CD276: variants seen among roughly 807,000 people sequenced by gnomAD.
CD276 encodes the protein CD276 antigen.
CD276 carries 34 observed loss-of-function variants against 50.0 expected under a neutral mutation model. That is an observed-to-expected ratio of 0.68 (90% CI 0.52 to 0.91). The LOEUF (loss-of-function observed/expected upper bound fraction) is 0.91, where lower values mean the gene tolerates loss of function less well. CD276 is among the 40% of genes least tolerant of loss of function. CD276 has a pLI of 0.00. For missense variants in CD276, 634 were observed against 717.5 expected, an observed-to-expected ratio of 0.88 and a Z score of 1.33; for synonymous variants, 275 against 313.0, an observed-to-expected ratio of 0.88 and a Z score of 1.28.
chr15:73,700,460 GTC>G (rs997578852), intron 2 of CD276, among the ~76,000 whole-genome samples: 2 of 152,362 alleles, frequency 1.3e-5, no homozygotes, highest in Non-Finnish European at 2.9e-5. Context: ...AGAAGTGCCT[GTC>G]TCTACCCACG....
chr15:73,712,698 G>A (rs1900954140), intron 9 of CD276, among the ~76,000 whole-genome samples: 1 of 152,148 alleles, frequency 6.6e-6, no homozygotes, highest in African/African-American at 2.4e-5. Context: ...GTACTGAGAG[G>A]GGGCTGCGTG....
chr15:73,695,995 A>G (rs1349457978), intron 1 of CD276, among the ~76,000 whole-genome samples: 1 of 152,190 alleles, frequency 6.6e-6, no homozygotes, highest in Non-Finnish European at 1.5e-5. Context: ...GATTTGTTGT[A>G]GCTTTCTGAG....
intron 1 of CD276, among the ~76,000 whole-genome samples, chr15:73,689,188 C>CTGTG (rs58196751): frequency 0.082 from 11,651 of 142,590 alleles, 531 homozygotes; most frequent in African/African-American, 0.11. Context: ...TCTGTGCCTC[C>CTGTG]TGTGTGTGTG....
intron 1 of CD276, among the ~76,000 whole-genome samples, chr15:73,698,083 G>A (rs1290298576): frequency 2.0e-5 from 3 of 152,142 alleles, no homozygotes; most frequent in Non-Finnish European, 4.4e-5. Flanking sequence ...GGGATTGGGA[G>A]CAGGGCTGGA....
chr15:73,703,714 T>C lies in CD276; in HGVS notation c.789T>C (p.Asp263=), dbSNP rs768341475. 5 of 1,613,264 alleles carry C rather than the reference T, an allele frequency of 3.1e-6. No individual in the cohort carries two copies. The highest frequency in any genetic ancestry group is 1.7e-5 in the Admixed American group (1 of 60,008). Residue 263 remains aspartate (D), a synonymous_variant, in exon 5 of 10, where the codon GAT becomes GAC. Coordinates refer to ENST00000318443, the MANE Select transcript of CD276 (RefSeq NM_001024736.2). The part of the protein sequence containing the change: ...EDPVVALVGT[D]ATLRCSFSPE... ...CGGTGGTGGCCCTAGTGGGCACCGA[T>C]GCCACCCTGCGCTGCTCCTTCTCCC...
At chr15:73,696,859 A>T (rs1900198486) in intron 1 of CD276, among the ~76,000 whole-genome samples, 1 of 152,118 alleles carries the variant, frequency 6.6e-6, no homozygotes, top group Admixed American at 6.5e-5. Context: ...AAGGCACCTT[A>T]GAGAATGGGG....
At chr15:73,711,238 TG>T (rs1290356300) in intron 9 of CD276, 68 bp downstream of exon 9, 1 of 1,546,984 alleles carries the variant, frequency 6.5e-7, no homozygotes, top group African/African-American at 1.4e-5. Context: ...GCTGAGAGGG[TG>T]GGTAGGCATC....
chr15:73,711,160 C>A lies in CD276; in HGVS notation c.1572C>A (p.Asp524Glu), dbSNP rs1158740558. ...CCCTGCAGCCTCTGAAACACTCTGA[C>A]AGCAAAGAAGGTAAAGACACCTGGG... is the stretch of plus-strand genomic sequence containing the variant. ...KTALQPLKHS[D>E]SKEDDGQEIA Residue 524 changes from aspartate to glutamate, a missense_variant, in exon 9 of 10, where the codon GAC becomes GAA. Transcript: ENST00000318443. 1.2e-6 allele frequency: 2 copies of A among 1,613,990 alleles called. No individual in the cohort carries two copies. The highest frequency in any genetic ancestry group is 3.3e-5 in the Admixed American group (2 of 60,028).
intron 9 of CD276, chr15:73,712,263 C>G (rs1900934221): frequency 6.6e-6 from 1 of 152,498 alleles, no homozygotes; most frequent in African/African-American, 2.4e-5. Context: ...GTGAGGCAGC[C>G]TGCCCCCTCA....
chr15:73,712,806 T>C, intron 9 of CD276, 128 bp from the exon 10 acceptor site: 1 of 935,278 alleles, frequency 1.1e-6, no homozygotes, highest in Non-Finnish European at 1.7e-6. Context: ...GTTGGGCTGC[T>C]GTCTCACACA....
At chr15:73,699,161 G>A (rs1428588545) in intron 1 of CD276, among the ~76,000 whole-genome samples, 1 of 152,112 alleles carries the variant, frequency 6.6e-6, no homozygotes, top group Non-Finnish European at 1.5e-5. Context: ...GCTCTCAACT[G>A]CCTTTAGGAT....
At chr15:73,701,163 G>T (rs994615472) in intron 2 of CD276, among the ~76,000 whole-genome samples, 82 of 151,710 alleles carry the variant, frequency 5.4e-4, no homozygotes, top group South Asian at 2.1e-4. Flanking sequence ...CCCATGCCGG[G>T]CCTTTTCCCC....
intron 1 of CD276, among the ~76,000 whole-genome samples, chr15:73,688,971 G>A (rs149839592): frequency 2.4e-4 from 37 of 152,302 alleles, no homozygotes; most frequent in African/African-American, 8.2e-4. Context: ...GATATGTTTA[G>A]GTGGGCACCT....
chr15:73,701,849 A>C (rs1285236422), intron 2 of CD276, among the ~76,000 whole-genome samples: 2 of 152,222 alleles, frequency 1.3e-5, no homozygotes, highest in Non-Finnish European at 2.9e-5. Flanking sequence ...ACTTACGCTC[A>C]TGGGGAAATG....
rs1899821777 is a variant in CD276 at position 73,687,591 on chromosome 15, TTG to T, written c.-55+3132_-55+3133del. On this transcript the variant is annotated intron_variant, in intron 1 of 9. Coordinates refer to ENST00000318443, the MANE Select transcript of CD276 (RefSeq NM_001024736.2). This position sits in a 1 kb window ranked among gnomAD's most constrained non-coding sequence, Gnocchi z 4.0. ...GGCCTTCACAGCATAGTCAGGGCCT[TTG>T]CTGAGAGTTCTTCTCTTCCAGAGCC... 6.6e-6 allele frequency among the ~76,000 whole-genome samples: 1 copy of T among 152,176 alleles called. No individual in the cohort carries two copies. Among genetic ancestry groups the T allele is most frequent in the African/African-American group, 2.4e-5 (1 of 41,442 alleles).
chr15:73,696,105 C>A (rs1468993272), intron 1 of CD276, among the ~76,000 whole-genome samples: 3 of 152,238 alleles, frequency 2.0e-5, no homozygotes, highest in African/African-American at 7.2e-5. Context: ...CCTGACCCCT[C>A]TCTCCTGCTG....
chr15:73,709,767 A>T, intron 8 of CD276, 78 bp downstream of exon 8: 2 of 1,416,884 alleles, frequency 1.4e-6, no homozygotes, highest in Non-Finnish European at 2.0e-6. Context: ...TAGGATCTGG[A>T]GGGGCCAGAT....
chr15:73,689,002 G>A (rs1899873650), intron 1 of CD276, among the ~76,000 whole-genome samples: 1 of 152,180 alleles, frequency 6.6e-6, no homozygotes, highest in East Asian at 1.9e-4. Flanking sequence ...AGCAGATATT[G>A]AGTGAATGCA....
At chr15:73,707,462 A>C (rs1300554193) in intron 6 of CD276, among the ~76,000 whole-genome samples, 7 of 152,076 alleles carry the variant, frequency 4.6e-5, no homozygotes, top group African/African-American at 9.7e-5. Flanking sequence ...TCAGTGTTTC[A>C]TGTTAATATC....
Sources: gnomAD v4.1 joint callset for allele counts (sites outside exome capture counted in the v4.1 genomes callset) on GRCh38, gnomAD v4.1.1 for gene constraint, Gnocchi (gnomAD v3.1) non-coding constraint, MANE v1.5 for transcripts, NCBI Gene and HGNC (gene_info 2026-07-23, HGNC 2026-07-21) for gene names.